The following DOCK8 variants were observed in gnomAD, a reference collection of about 807,000 sequenced individuals.
The protein encoded by DOCK8 is dedicator of cytokinesis 8.
In DOCK8, 141 loss-of-function variants were observed where a neutral mutation model predicts 245.6. The ratio of observed to expected loss-of-function variants is 0.57; its 90% CI spans 0.50 to 0.66. DOCK8 has a LOEUF of 0.66. Ranked by LOEUF, DOCK8 falls within the 30% of genes least tolerant of loss-of-function variation. The pLI, the probability that DOCK8 is intolerant of heterozygous loss-of-function variation, is 0.00. For missense variants in DOCK8, 2,965 were observed against 2,603.4 expected, an observed-to-expected ratio of 1.14 and a Z score of -3.02; for synonymous variants, 1,168 against 970.2, an observed-to-expected ratio of 1.20 and a Z score of -3.79.
chr9:425,518 G>C (rs1453312871), intron 33 of DOCK8, among the ~76,000 whole-genome samples: 1 of 142,482 alleles, frequency 7.0e-6, no homozygotes, highest in South Asian at 2.2e-4. Flanking sequence ...CAGCCTGGGC[G>C]ACAGAGGGAG....
At chr9:270,749 T>G (rs1563856734) in intron 1 of DOCK8, among the ~76,000 whole-genome samples, 1 of 152,242 alleles carries the variant, frequency 6.6e-6, no homozygotes, top group Non-Finnish European at 1.5e-5. Flanking sequence ...TGATCCTCAG[T>G]AATCTCTGTT....
intron 26 of DOCK8, among the ~76,000 whole-genome samples, chr9:400,560 CCAT>C (rs1183005578): frequency 4.3e-5 from 3 of 69,728 alleles, no homozygotes; most frequent in East Asian, 4.9e-4. Context: ...AGCATCTTCA[CCAT>C]CACCACCACC....
chr9:334,404 T>C lies in DOCK8; in HGVS notation c.1285+20T>C. ...TGGTTGGTAAGATTTTCACCTGCAG[T>C]GGGAAAGGGAGGGCTCCCCAGTGTG... On this transcript the variant is annotated intron_variant, in intron 11 of 47. Transcript: ENST00000432829. 6.2e-7 allele frequency: 1 copy of C among 1,609,826 alleles called. No individual in the cohort carries two copies.
chr9:448,693 G>A (rs1417494030), intron 44 of DOCK8, among the ~76,000 whole-genome samples: 1 of 152,120 alleles, frequency 6.6e-6, no homozygotes, highest in African/African-American at 2.4e-5. Context: ...TTCGTGTCCA[G>A]ATTTCCTCTT....
chr9:462,778 A>C (rs2057846650), intron 46 of DOCK8, among the ~76,000 whole-genome samples: 1 of 152,228 alleles, frequency 6.6e-6, no homozygotes, highest in Non-Finnish European at 1.5e-5. Context: ...GAGGAGGCTG[A>C]ATGCCATCTG....
intron 26 of DOCK8, among the ~76,000 whole-genome samples, chr9:403,303 G>A (rs185307475): frequency 6.6e-5 from 10 of 152,234 alleles, no homozygotes; most frequent in Non-Finnish European, 1.2e-4. Flanking sequence ...GGCTTGACCC[G>A]ACACCTGTTA....
intron 4 of DOCK8, among the ~76,000 whole-genome samples, chr9:290,890 T>C (rs116187604): frequency 0.018 from 2,674 of 152,266 alleles, 89 homozygotes; most frequent in African/African-American, 0.061. Flanking sequence ...TGTGCTGAGG[T>C]TTTCTGGAGT....
chr9:308,598 G>C (rs950612497), intron 5 of DOCK8, among the ~76,000 whole-genome samples: 2 of 152,280 alleles, frequency 1.3e-5, no homozygotes, highest in Admixed American at 6.5e-5. Context: ...GCATAATATT[G>C]CAAAACTTCC....
At chr9:343,981 T>C (rs4741821) in intron 14 of DOCK8, among the ~76,000 whole-genome samples, 134,342 of 152,252 alleles carry the variant, frequency 0.88, 59,307 homozygotes, top group South Asian at 0.94. Flanking sequence ...GTGCACTGAA[T>C]GATCCAGAAA....
intron 4 of DOCK8, among the ~76,000 whole-genome samples, chr9:299,557 C>T (rs920143001): frequency 1.3e-5 from 2 of 152,012 alleles, no homozygotes; most frequent in Non-Finnish European, 2.9e-5. Flanking sequence ...GCCACTGCAC[C>T]CAGCCTGTAC....
chr9:270,190 A>G (rs1361703783), intron 1 of DOCK8, among the ~76,000 whole-genome samples: 1 of 152,218 alleles, frequency 6.6e-6, no homozygotes, highest in African/African-American at 2.4e-5. Context: ...TTAAATAAAG[A>G]AAACGCTGTA....
chr9:330,768 A>G (rs1217110103), intron 9 of DOCK8, among the ~76,000 whole-genome samples: 1 of 152,192 alleles, frequency 6.6e-6, no homozygotes, highest in East Asian at 1.9e-4. Flanking sequence ...TATTTGCCCT[A>G]CTTTCCATGG....
intron 1 of DOCK8, among the ~76,000 whole-genome samples, chr9:238,856 G>T (rs926291839): frequency 6.6e-6 from 1 of 152,166 alleles, no homozygotes. Context: ...CCAGTTCGGG[G>T]TCGTGGATGG....
chr9:384,345 C>T (rs889035206), intron 22 of DOCK8, among the ~76,000 whole-genome samples: 3 of 152,232 alleles, frequency 2.0e-5, no homozygotes, highest in East Asian at 3.9e-4. Flanking sequence ...TCAGGGTGGC[C>T]GAGCTATTAG....
chr9:215,507 G>T, intron 1 of DOCK8: 1 of 1,416,010 alleles, frequency 7.1e-7, no homozygotes, highest in Non-Finnish European at 9.3e-7. Flanking sequence ...CCTGAGCAAG[G>T]CTCCGTCCTC....
At chr9:416,779 G>A (rs1057052442) in intron 29 of DOCK8, among the ~76,000 whole-genome samples, 25 of 152,222 alleles carry the variant, frequency 1.6e-4, no homozygotes, top group African/African-American at 5.5e-4. Context: ...TTAGGTTTAC[G>A]ATAAAGGTGA....
chr9:288,735 A>G (rs1428867461), intron 3 of DOCK8, among the ~76,000 whole-genome samples: 3 of 152,214 alleles, frequency 2.0e-5, no homozygotes, highest in Non-Finnish European at 4.4e-5. Context: ...TCACATAGCT[A>G]TAAGCGATGA....
At chr9:400,832 A>ACC (rs1333161344) in intron 26 of DOCK8, among the ~76,000 whole-genome samples, 1 of 62,752 alleles carries the variant, frequency 1.6e-5, no homozygotes, top group African/African-American at 1.1e-4. Context: ...CACCATCACC[A>ACC]TCACCACCAC....
rs1005604993 is a variant in DOCK8, at chr9:327,921, T to G, written c.895-101T>G. On this transcript the variant is annotated intron_variant, in intron 8 of 47. Transcript: ENST00000432829. ...CATCTGTGATTATTACACTTACTCC[T>G]TCAGCAAAATTTCTCTGTGGTGTTT... The G allele has an allele frequency of 7.0e-6, 8 of 1,146,786 alleles. No individual in the cohort carries two copies. In the Admixed American group the frequency reaches 8.5e-5, roughly 12 times the overall value. The allele number at this position is 1,146,786 out of a possible 1,614,324, so 71.0% of individuals were successfully genotyped here. A position where few individuals can be genotyped will look rare whatever the true frequency, so the allele number is the denominator to read the frequency against.
Sources: allele counts gnomAD v4.1 joint callset (sites outside exome capture counted in the v4.1 genomes callset), GRCh38; gene constraint gnomAD v4.1.1; transcripts MANE v1.5; gene names NCBI Gene and HGNC (gene_info 2026-07-23, HGNC 2026-07-21).